The following IFI16 variants were observed in gnomAD, a reference collection of about 807,000 sequenced individuals.
IFI16 encodes the protein gamma-interferon-inducible protein 16.
A neutral mutation model predicts 68.4 loss-of-function variants in IFI16; 49 were observed. The ratio of observed to expected loss-of-function variants is 0.72; its 90% CI spans 0.57 to 0.91. The LOEUF is 0.91. IFI16 is among the 40% of genes least tolerant of loss of function. The pLI is 0.00. For synonymous variants in IFI16, 307 were observed against 315.0 expected (o/e 0.97, Z 0.27); for missense variants, 878 against 942.9 (o/e 0.93, Z 0.90).
intron 6 of IFI16, among the ~76,000 whole-genome samples, chr1:159,022,690 G>C (rs1423904728): frequency 6.6e-6 from 1 of 152,232 alleles, no homozygotes; most frequent in Non-Finnish European, 1.5e-5. Flanking sequence ...AAGCATGTTA[G>C]GGCAAATATT....
chr1:159,027,987 T>C (rs1357449077), intron 6 of IFI16, among the ~76,000 whole-genome samples: 1 of 152,202 alleles, frequency 6.6e-6, no homozygotes, highest in Non-Finnish European at 1.5e-5. Context: ...ATCTTTTGTG[T>C]TGTTCTTTGT....
At chr1:159,054,496 A>G (rs1339982435) in intron 11 of IFI16, among the ~76,000 whole-genome samples, 7 of 152,118 alleles carry the variant, frequency 4.6e-5, no homozygotes, top group Admixed American at 6.5e-5. Context: ...CTTCTGCCCA[A>G]TGAAAACCCT....
chr1:159,021,003 G>A (rs1198521725), intron 6 of IFI16, among the ~76,000 whole-genome samples: 1 of 152,150 alleles, frequency 6.6e-6, no homozygotes, highest in African/African-American at 2.4e-5. Flanking sequence ...TACAGAGGAA[G>A]CTCTCCAATT....
intron 6 of IFI16, among the ~76,000 whole-genome samples, chr1:159,023,918 C>T (rs1338144186): frequency 6.6e-6 from 1 of 152,122 alleles, no homozygotes; most frequent in Non-Finnish European, 1.5e-5. Flanking sequence ...CGGGGGCGGA[C>T]CCCCGGGGTA....
chr1:159,035,286 A>C (rs545593299), intron 7 of IFI16, among the ~76,000 whole-genome samples: 1 of 152,350 alleles, frequency 6.6e-6, no homozygotes, highest in African/African-American at 2.4e-5. Context: ...ATCTTGGCAC[A>C]GGTGGCTGTG....
At position 159,016,680 on chromosome 1, in the gene IFI16, C is replaced by G. The variant is rs752389448; in HGVS notation, c.529C>G (p.Pro177Ala). ...PSPKTSLSAP[P>A]NSSSTENPKT... ...TCCCAAGACCTCATTGTCAGCTCCA[C>G]CCAACAGTTCTTCAACTGAGGTACA... The change falls in exon 4 of 12, where the codon CCC becomes GCC. Residue 177 changes from proline to alanine, a missense_variant. Pro to Ala is a conservative substitution (Grantham distance 27). Around this residue, in one of 4 missense-constraint regions of IFI16, gnomAD observed 443 missense variants for 421.8 expected, o/e 1.05. Coordinates refer to ENST00000295809, the MANE Select transcript of IFI16 (RefSeq NM_001376587.1). 6.2e-7 allele frequency: 1 copy of G among 1,613,886 alleles called. No homozygotes were observed. The highest frequency in any genetic ancestry group is 1.1e-5 in the South Asian group (1 of 91,014).
intron 5 of IFI16, among the ~76,000 whole-genome samples, chr1:159,019,615 C>T (rs373833175): frequency 2.0e-5 from 3 of 152,226 alleles, no homozygotes; most frequent in South Asian, 2.1e-4. Context: ...TGTGCCATCA[C>T]GCCTGGCTAA....
At chr1:159,023,714 G>A (rs984977726) in intron 6 of IFI16, among the ~76,000 whole-genome samples, 4 of 152,146 alleles carry the variant, frequency 2.6e-5, no homozygotes, top group Admixed American at 2.0e-4. Context: ...ATTTGGCAGA[G>A]TGTCTAGTAA....
chr1:159,032,902 G>T (rs1407855232), intron 7 of IFI16, among the ~76,000 whole-genome samples: 1 of 151,960 alleles, frequency 6.6e-6, no homozygotes, highest in Non-Finnish European at 1.5e-5. Flanking sequence ...TTTATATAAT[G>T]ATTTCTAACT....
chr1:159,050,278 TTTATG>T (rs371899690), intron 9 of IFI16, among the ~76,000 whole-genome samples: 1,607 of 152,354 alleles, frequency 0.011, 12 homozygotes, highest in Admixed American at 0.02. Flanking sequence ...TTTATTTGGC[TTTATG>T]TTGTTTCCAG....
At chr1:159,018,992 T>C (rs1653121519) in intron 5 of IFI16, among the ~76,000 whole-genome samples, 1 of 152,234 alleles carries the variant, frequency 6.6e-6, no homozygotes, top group African/African-American at 2.4e-5. Flanking sequence ...GTTTATCCCT[T>C]TGATTATTAT....
chr1:159,047,248 G>A (rs1239629295), intron 8 of IFI16, among the ~76,000 whole-genome samples: 5 of 151,222 alleles, frequency 3.3e-5, no homozygotes, highest in East Asian at 1.9e-4. Flanking sequence ...CTACATACAG[G>A]TTTTCTCAAT....
At chr1:159,044,299 G>A (rs1654847248) in intron 7 of IFI16, among the ~76,000 whole-genome samples, 1 of 152,134 alleles carries the variant, frequency 6.6e-6, no homozygotes, top group Non-Finnish European at 1.5e-5. Context: ...TTTAAAATGT[G>A]AACCTTTAAT....
Position 159,015,977 on chromosome 1 carries a change from C to G in IFI16, c.371C>G (p.Pro124Arg). 6.2e-7 allele frequency: 1 copy of G among 1,612,652 alleles called. No individual in the cohort carries two copies. The highest frequency in any genetic ancestry group is 8.5e-7 in the Non-Finnish European group (1 of 1,178,662). The change falls in exon 3 of 12, where the codon CCT becomes CGT. Residue 124 changes from proline (P) to arginine (R), a missense_variant. Transcript: ENST00000295809. Reference sequence around the variant, plus strand: ...AAAACTGAAGGAGCAGAGGCAACTCCTGGAGCTCAGGTAAGCTTCAGGAAG... The same window carrying G: ...AAAACTGAAGGAGCAGAGGCAACTCGTGGAGCTCAGGTAAGCTTCAGGAAG... The part of the protein sequence containing the change: ...TVKTEGAEAT[P>R]GAQKRKKSTK...
At chr1:159,034,560 A>G (rs1181197202) in intron 7 of IFI16, among the ~76,000 whole-genome samples, 2 of 152,154 alleles carry the variant, frequency 1.3e-5, no homozygotes, top group African/African-American at 2.4e-5. Context: ...GTCTTTTCCA[A>G]ATGAGAAGCT....
chr1:159,013,757 A>AG (rs569332186), intron 1 of IFI16, among the ~76,000 whole-genome samples: 19 of 152,320 alleles, frequency 1.2e-4, no homozygotes, highest in African/African-American at 4.3e-4. Context: ...CAAAGTCATG[A>AG]GGCATGAAGA....
intron 1 of IFI16, among the ~76,000 whole-genome samples, chr1:159,012,348 G>A (rs1197991004): frequency 6.6e-6 from 1 of 152,128 alleles, no homozygotes; most frequent in Non-Finnish European, 1.5e-5. Context: ...GAATCTGGAG[G>A]CTTCAGAAAG....
At chr1:159,003,950 GC>G (rs1450028405), upstream of IFI16, among the ~76,000 whole-genome samples, 2 of 152,004 alleles carry the variant, frequency 1.3e-5, no homozygotes, top group Non-Finnish European at 2.9e-5. Flanking sequence ...GTGAGCCACC[GC>G]GCCCAGCCAA....
At chr1:159,004,166 T>A (rs759350474), upstream of IFI16, among the ~76,000 whole-genome samples, 5 of 152,028 alleles carry the variant, frequency 3.3e-5, no homozygotes, top group Middle Eastern at 0.01. Flanking sequence ...AATATATTAA[T>A]ACCCAAATTC....
Sources: gnomAD v4.1 joint callset for allele counts (sites outside exome capture counted in the v4.1 genomes callset) on GRCh38, gnomAD v4.1.1 for gene constraint, gnomAD v4.1.1 regional missense constraint, MANE v1.5 for transcripts, NCBI Gene and HGNC (gene_info 2026-07-23, HGNC 2026-07-21) for gene names.